SPINK9: variants seen among roughly 807,000 people sequenced by gnomAD.
The protein encoded by SPINK9 is serine peptidase inhibitor Kazal type 9, also known as serine protease inhibitor Kazal-type 9.
Under a neutral mutation model 10.8 loss-of-function variants are expected in SPINK9, and 3 were observed. The observed-to-expected ratio is 0.28, with a 90% CI of 0.13 to 0.72. The LOEUF is 0.72. Ranked by LOEUF, SPINK9 falls within the 30% of genes least tolerant of loss-of-function variation. The probability of loss-of-function intolerance (pLI) is 0.74; values close to 1 mark genes in which losing one functional copy is unlikely to be tolerated. For synonymous variants in SPINK9, 30 were observed against 31.2 expected, an observed-to-expected ratio of 0.96 and a Z score of 0.12; for missense variants, 101 against 103.2, an observed-to-expected ratio of 0.98 and a Z score of 0.09.
intron 2 of SPINK9, 73 bp downstream of exon 2, chr5:148,336,526 TAATTA>T: frequency 7.1e-7 from 1 of 1,409,846 alleles, no homozygotes; most frequent in East Asian, 2.3e-5. Flanking sequence ...TACTACACAG[TAATTA>T]AATTTCTATA....
rs778803046 is a variant in SPINK9, at chr5:148,338,476, A to C, written c.88-2A>C. 34 of 1,587,090 alleles carry C rather than the reference A, an allele frequency of 2.1e-5. 1 individual carries two copies. The South Asian group carries it at 3.9e-4, about 18-fold the overall frequency. On this transcript the variant is annotated splice_acceptor_variant, in intron 2 of 3. Transcript: ENST00000377906. LOFTEE classifies it high-confidence loss of function. ...TTGAAGGTTTTTAATATGTTTTTTC[A>C]GGTTGACTGCAGTCATTATAAAAAG...
chr5:148,336,496 A>G (rs1395914335), intron 2 of SPINK9, 43 bp downstream of exon 2: 1 of 1,574,056 alleles, frequency 6.4e-7, no homozygotes, highest in Non-Finnish European at 8.7e-7. Flanking sequence ...TAAAGTCAAT[A>G]TCAGTAAGGA....
At chr5:148,337,413 T>A (rs924298283) in intron 2 of SPINK9, among the ~76,000 whole-genome samples, 3 of 152,182 alleles carry the variant, frequency 2.0e-5, no homozygotes, top group Admixed American at 6.5e-5. Flanking sequence ...GATGAATGAA[T>A]GAATGAATTA....
chr5:148,327,992 CT>C (rs1561766212), intron 2 of SPINK9, among the ~76,000 whole-genome samples: 1 of 150,922 alleles, frequency 6.6e-6, no homozygotes, highest in Admixed American at 6.6e-5. Flanking sequence ...AATGCGGGCT[CT>C]TTTTTGGTTC....
At chr5:148,328,567 C>T (rs1757102286) in intron 2 of SPINK9, among the ~76,000 whole-genome samples, 1 of 152,192 alleles carries the variant, frequency 6.6e-6, no homozygotes, top group South Asian at 2.1e-4. Flanking sequence ...GAGAGGGCAT[C>T]CTTGTCTTGT....
chr5:148,330,912 G>T (rs1757139933), upstream of SPINK9, among the ~76,000 whole-genome samples: 1 of 152,202 alleles, frequency 6.6e-6, no homozygotes, highest in Admixed American at 6.5e-5. Flanking sequence ...ATCTCCTGTT[G>T]TGCTGTTTGC....
exon 2 of SPINK9, chr5:148,323,738 C>T: frequency 1.4e-6 from 1 of 693,670 alleles, no homozygotes; most frequent in Non-Finnish European, 2.6e-6. Context: ...GATCAATCAG[C>T]ATTTGCATCT....
intron 2 of SPINK9, among the ~76,000 whole-genome samples, chr5:148,327,781 G>C (rs1250944671): frequency 6.6e-6 from 1 of 151,852 alleles, no homozygotes; most frequent in African/African-American, 2.4e-5. Flanking sequence ...CCCATTGCTT[G>C]TTTTTGTCAG....
chr5:148,329,591 T>C (rs1164682004), intron 2 of SPINK9, among the ~76,000 whole-genome samples: 5 of 152,206 alleles, frequency 3.3e-5, no homozygotes, highest in Non-Finnish European at 7.3e-5. Flanking sequence ...CTTTTAATTG[T>C]GATGTTAGGG....
upstream of SPINK9, among the ~76,000 whole-genome samples, chr5:148,334,932 G>T (rs1486784953): frequency 6.6e-6 from 1 of 152,112 alleles, no homozygotes; most frequent in Non-Finnish European, 1.5e-5. Context: ...ATTAGTTCAG[G>T]TGTGCAAGAT....
At chr5:148,322,397 T>C (rs1386749512) in intron 1 of SPINK9, among the ~76,000 whole-genome samples, 1 of 152,082 alleles carries the variant, frequency 6.6e-6, no homozygotes, top group Non-Finnish European at 1.5e-5. Flanking sequence ...AAAATATACG[T>C]CTTTACTTTA....
intron 2 of SPINK9, among the ~76,000 whole-genome samples, chr5:148,325,082 T>C (rs1311789521): frequency 1.3e-5 from 2 of 152,138 alleles, no homozygotes; most frequent in African/African-American, 4.8e-5. Flanking sequence ...GTTTTCAAGG[T>C]TAATCCATGT....
chr5:148,339,778 A>G lies in SPINK9; in HGVS notation c.*66A>G. On this transcript the variant is annotated 3_prime_UTR_variant, in exon 4 of 4. Coordinates refer to ENST00000377906, the MANE Select transcript of SPINK9 (RefSeq NM_001040433.2). ...TCACAAGAGTCACATTTCTGTTCCCATATTATCTATGCCACATTGCCTACT... is the reference window on the plus strand; with the variant it reads ...TCACAAGAGTCACATTTCTGTTCCCGTATTATCTATGCCACATTGCCTACT... 7.4e-7 allele frequency: 1 copy of G among 1,344,772 alleles called. No individual in the cohort carries two copies. The highest frequency in any genetic ancestry group is 1.1e-6 in the Non-Finnish European group (1 of 938,818). 83.3% of individuals were successfully genotyped at this position (1,344,772 alleles called of 1,614,324 possible). A position where few individuals can be genotyped will look rare whatever the true frequency, so the allele number is the denominator to read the frequency against.
chr5:148,338,603 T>C lies in SPINK9; in HGVS notation c.213T>C (p.Val71=). The change falls in exon 3 of 4, where the codon GTT becomes GTC. Residue 71 remains valine (V), a splice_region_variant and synonymous_variant. Transcript: ENST00000377906. ...YKNDCFFCSK[V]KKTDGTLKFV... is the part of the protein sequence containing the mutation. Reference sequence around the variant, plus strand: ...ATGATTGCTTCTTCTGTTCTAAAGTTAAGTAAGTATTAAAATGTTTTCTTT... The same window carrying C: ...ATGATTGCTTCTTCTGTTCTAAAGTCAAGTAAGTATTAAAATGTTTTCTTT... 6.4e-7 allele frequency: 1 copy of C among 1,568,754 alleles called. No homozygotes were observed.
rs544089408 is a variant in SPINK9 at position 148,327,094 on chromosome 5, C to T, written c.118+3226C>T. ...GATCCCCGAGGAATCGCCACACTGT[C>T]TCCCACAATGGTTGAACTAGTTAAC... On this transcript the variant is annotated intron_variant, in intron 2 of 4. Coordinates refer to the SPINK9 transcript ENST00000511717. 3.0e-4 allele frequency among the ~76,000 whole-genome samples: 45 copies of T among 152,304 alleles called. No homozygotes were observed. In the East Asian group the frequency reaches 4.8e-3, roughly 16 times the overall value.
At chr5:148,330,548 A>T (rs1757135140) in intron 2 of SPINK9, among the ~76,000 whole-genome samples, 1 of 152,160 alleles carries the variant, frequency 6.6e-6, no homozygotes, top group Non-Finnish European at 1.5e-5. Context: ...TCCTGTCACT[A>T]TGATGTTAGC....
intron 2 of SPINK9, among the ~76,000 whole-genome samples, chr5:148,328,946 A>G (rs961217744): frequency 1.3e-5 from 2 of 152,154 alleles, no homozygotes; most frequent in African/African-American, 4.8e-5. Context: ...TTCATCAAGG[A>G]TATTGGTCTA....
upstream of SPINK9, among the ~76,000 whole-genome samples, chr5:148,331,394 A>G (rs765667151): frequency 1.3e-5 from 2 of 152,236 alleles, no homozygotes; most frequent in African/African-American, 2.4e-5. Flanking sequence ...ATACTACGTG[A>G]TCTCACTTAT....
At chr5:148,331,663 T>C (rs907638058), upstream of SPINK9, among the ~76,000 whole-genome samples, 1 of 152,226 alleles carries the variant, frequency 6.6e-6, no homozygotes, top group Non-Finnish European at 1.5e-5. Flanking sequence ...TTTGAAGTGA[T>C]TGATATGTTA....
Sources: gnomAD v4.1 joint callset for allele counts (sites outside exome capture counted in the v4.1 genomes callset) on GRCh38, gnomAD v4.1.1 for gene constraint, MANE v1.5 for transcripts, NCBI Gene and HGNC (gene_info 2026-07-23, HGNC 2026-07-21) for gene names.